GSE1: variants seen among roughly 807,000 people sequenced by gnomAD.
The protein encoded by GSE1 is genetic suppressor element 1.
In GSE1, 32 loss-of-function variants were observed where a neutral mutation model predicts 112.6. The observed-to-expected ratio is 0.28, with a 90% CI of 0.21 to 0.38. The LOEUF (loss-of-function observed/expected upper bound fraction) is 0.38, where lower values mean the gene tolerates loss of function less well. GSE1 is among the 10% of genes least tolerant of loss of function. The pLI, the probability that GSE1 is intolerant of heterozygous loss-of-function variation, is 1.00. For missense variants in GSE1, 2,348 were observed against 1,699.2 expected, an observed-to-expected ratio of 1.38 and a Z score of -6.71; for synonymous variants, 1,115 against 735.6, an observed-to-expected ratio of 1.52 and a Z score of -8.35.
intron 1 of GSE1, among the ~76,000 whole-genome samples, chr16:85,604,323 C>T (rs966243471): frequency 1.3e-5 from 2 of 152,186 alleles, no homozygotes; most frequent in African/African-American, 2.4e-5. Context: ...TGTGTTGTAG[C>T]GTGGATTAGC....
intron 2 of GSE1, among the ~76,000 whole-genome samples, chr16:85,415,439 G>A (rs1012734950): frequency 6.6e-6 from 1 of 152,216 alleles, no homozygotes; most frequent in Non-Finnish European, 1.5e-5. Context: ...AGGGCGTCCT[G>A]GGGTTTGCTA....
At chr16:85,495,993 G>A (rs916413059) in intron 2 of GSE1, among the ~76,000 whole-genome samples, 3 of 152,188 alleles carry the variant, frequency 2.0e-5, no homozygotes, top group African/African-American at 4.8e-5. Context: ...CAAAAGCCGC[G>A]GGGGGACCTG....
At chr16:85,431,999 C>T (rs577477990) in intron 2 of GSE1, among the ~76,000 whole-genome samples, 6 of 152,196 alleles carry the variant, frequency 3.9e-5, no homozygotes, top group South Asian at 2.1e-4. Context: ...GTGGAATCCT[C>T]GCCGCCTGGG....
intron 2 of GSE1, among the ~76,000 whole-genome samples, chr16:85,450,108 G>A (rs1390818856): frequency 7.3e-6 from 1 of 137,012 alleles, no homozygotes; most frequent in African/African-American, 2.8e-5. Flanking sequence ...TTCTATTTTA[G>A]GCAGCTGACT....
At chr16:85,259,801 G>T (rs1265474797) in intron 1 of GSE1, among the ~76,000 whole-genome samples, 1 of 152,230 alleles carries the variant, frequency 6.6e-6, no homozygotes, top group African/African-American at 2.4e-5. Context: ...ATCCTGCAGT[G>T]ATGGGCGCAT....
chr16:85,198,497 C>T (rs2074970083), intron 1 of GSE1, among the ~76,000 whole-genome samples: 1 of 152,018 alleles, frequency 6.6e-6, no homozygotes, highest in Non-Finnish European at 1.5e-5. Context: ...GGCCATAAAG[C>T]AGTGGATGAG....
At chr16:85,194,201 G>A (rs896232674) in intron 1 of GSE1, among the ~76,000 whole-genome samples, 9 of 152,124 alleles carry the variant, frequency 5.9e-5, no homozygotes, top group African/African-American at 1.9e-4. Context: ...CTCCGTGTCC[G>A]GGCGCCCTTG....
intron 1 of GSE1, among the ~76,000 whole-genome samples, chr16:85,328,659 C>A (rs1440626986): frequency 6.6e-6 from 1 of 152,242 alleles, no homozygotes; most frequent in Admixed American, 6.5e-5. Context: ...TTTGTGGGCC[C>A]TGCAGGGTCT....
In GSE1 at chr16:85,665,128, G is replaced by A. The variant is rs757771574; in HGVS notation, c.2758G>A (p.Glu920Lys). 1.3e-6 allele frequency: 2 copies of A among 1,569,126 alleles called. No homozygotes were observed. The highest frequency in any genetic ancestry group is 1.8e-6 in the Non-Finnish European group (2 of 1,139,684). The change falls in exon 12 of 16, where the codon GAA becomes AAA. Residue 920 changes from glutamate to lysine, a missense_variant and splice_region_variant. Transcript: ENST00000253458. ...PRDSPAVSLSEPATQQASLDV... is the reference protein window; with the variant it reads ...PRDSPAVSLSKPATQQASLDV... ...GGACAGTCCTGCCGTCTCCCTGAGT[G>A]GTAAGGGAAGGATAGCCCCACCTGC... is the stretch of plus-strand genomic sequence containing the variant.
chr16:85,593,404 G>C (rs1330924165), intron 1 of GSE1: 1 of 152,410 alleles, frequency 6.6e-6, no homozygotes, highest in South Asian at 2.1e-4. Flanking sequence ...TGCAGGGCTG[G>C]TCAGGTCAGC....
intron 2 of GSE1, among the ~76,000 whole-genome samples, chr16:85,418,011 G>T (rs2048743034): frequency 6.6e-6 from 1 of 152,168 alleles, no homozygotes; most frequent in Non-Finnish European, 1.5e-5. Context: ...GCTAATTTTT[G>T]TATTTTTAGT....
At position 85,442,903 on chromosome 16, in the gene GSE1, C is replaced by T. The variant is rs193078203; in HGVS notation, c.2464+85260C>T. Among the ~76,000 whole-genome samples the T allele has an allele frequency of 4.4e-4, 67 of 152,300 alleles. 1 individual carries two copies. In the East Asian group the frequency reaches 0.011, roughly 25 times the overall value. ...GTCCCCGGAGGAAATCCATCCTTGT[C>T]CCTTCCGAGCTCCGGTGGCCGTTGG... On this transcript the variant is annotated intron_variant, in intron 2 of 2. Transcript: ENST00000637419.
intron 2 of GSE1, among the ~76,000 whole-genome samples, chr16:85,485,649 G>A (rs928518713): frequency 6.6e-6 from 1 of 152,246 alleles, no homozygotes; most frequent in African/African-American, 2.4e-5. Context: ...GATTAAAGCC[G>A]TGCGCAGCCC....
At chr16:85,546,156 C>T (rs574095248) in intron 2 of GSE1, among the ~76,000 whole-genome samples, 1 of 152,290 alleles carries the variant, frequency 6.6e-6, no homozygotes, top group African/African-American at 2.4e-5. Flanking sequence ...CCGATCTCAG[C>T]TCACTGCACC....
At chr16:85,226,758 GGTGTGT>G (rs55999145) in intron 1 of GSE1, among the ~76,000 whole-genome samples, 14,820 of 104,700 alleles carry the variant, frequency 0.14, 1,309 homozygotes, top group Admixed American at 0.21. Flanking sequence ...TGCCTGGACT[GGTGTGT>G]GTGTGTGTGT....
chr16:85,612,004 G>A (rs141694087), upstream of GSE1, among the ~76,000 whole-genome samples: 1,004 of 152,218 alleles, frequency 6.6e-3, 11 homozygotes, highest in African/African-American at 0.023. Flanking sequence ...GCAGCGCAGC[G>A]CTGGGGCGGC....
chr16:85,248,117 T>C (rs1906060228), intron 1 of GSE1, among the ~76,000 whole-genome samples: 1 of 152,088 alleles, frequency 6.6e-6, no homozygotes, highest in Non-Finnish European at 1.5e-5. Flanking sequence ...CAGGTACAAA[T>C]GGAGAAGGAT....
chr16:85,331,363 G>GTATA (rs1396264079), intron 1 of GSE1, among the ~76,000 whole-genome samples: 2 of 45,436 alleles, frequency 4.4e-5, no homozygotes, highest in African/African-American at 6.1e-5. Context: ...GTGTGTGTGT[G>GTATA]TGTATATATG....
At chr16:85,547,145 C>G (rs554853699) in intron 2 of GSE1, among the ~76,000 whole-genome samples, 1 of 152,300 alleles carries the variant, frequency 6.6e-6, no homozygotes, top group East Asian at 1.9e-4. Context: ...CAGCTGTGGC[C>G]CAAGGCATGC....
Sources: allele counts gnomAD v4.1 joint callset (sites outside exome capture counted in the v4.1 genomes callset), GRCh38; gene constraint gnomAD v4.1.1; transcripts MANE v1.5; gene names NCBI Gene and HGNC (gene_info 2026-07-23, HGNC 2026-07-21).